Variants in PEBP4 observed in about 807,000 individuals in gnomAD.
PEBP4 encodes phosphatidylethanolamine-binding protein 4.
Under a neutral mutation model 23.9 loss-of-function variants are expected in PEBP4, and 22 were observed. That is an observed-to-expected ratio of 0.92 (90% CI 0.66 to 1.31). The LOEUF (loss-of-function observed/expected upper bound fraction) is 1.31. Ranked by LOEUF, PEBP4 falls within the 40% of genes most tolerant of loss-of-function variation. The probability of loss-of-function intolerance (pLI) is 0.00; values close to 1 mark genes in which losing one functional copy is unlikely to be tolerated. For synonymous variants in PEBP4, 112 were observed against 99.3 expected (o/e 1.13, Z -0.76); for missense variants, 324 against 281.7 (o/e 1.15, Z -1.07).
intron 3 of PEBP4, chr8:22,885,418 A>G (rs1350199368): frequency 2.6e-5 from 4 of 152,268 alleles, no homozygotes; most frequent in African/African-American, 9.7e-5. Flanking sequence ...TGCCTCCACG[A>G]CCAAGTACAA....
chr8:22,767,459 C>G (rs1279696535), intron 4 of PEBP4, among the ~76,000 whole-genome samples: 1 of 152,204 alleles, frequency 6.6e-6, no homozygotes, highest in South Asian at 2.1e-4. Flanking sequence ...CGTGATTTCT[C>G]GAGCGGGAAA....
chr8:22,927,729 G>C lies in PEBP4; in HGVS notation c.-6-9C>G, dbSNP rs1809378880. The stretch of plus-strand genomic sequence containing the variant: ...GTCCAACCCATGGGCACCTGGAACA[G>C]AAAGAACTTTAGAGCGGCTGGATCC... On this transcript the variant is annotated splice_polypyrimidine_tract_variant and intron_variant, in intron 1 of 6. Transcript: ENST00000256404. The C allele has an allele frequency of 1.2e-6, 2 of 1,613,382 alleles. No homozygotes were observed. Among genetic ancestry groups the C allele is most frequent in the Non-Finnish European group, 8.5e-7 (1 of 1,179,642 alleles).
At chr8:22,848,291 G>A (rs879276536) in intron 3 of PEBP4, among the ~76,000 whole-genome samples, 1 of 152,182 alleles carries the variant, frequency 6.6e-6, no homozygotes, top group Non-Finnish European at 1.5e-5. Context: ...CATTATCCAA[G>A]GGAGTGCAGC....
At chr8:22,902,774 T>G (rs1383602219) in intron 3 of PEBP4, among the ~76,000 whole-genome samples, 1 of 152,178 alleles carries the variant, frequency 6.6e-6, no homozygotes, top group Non-Finnish European at 1.5e-5. Flanking sequence ...AGGGTTCTGC[T>G]ACAAAAAAGA....
At chr8:22,898,417 A>ACAAAAC (rs1808639039) in intron 3 of PEBP4, among the ~76,000 whole-genome samples, 1 of 132,340 alleles carries the variant, frequency 7.6e-6, no homozygotes, top group Non-Finnish European at 1.7e-5. Flanking sequence ...AAAAAAAAAA[A>ACAAAAC]AAAAAAAAAA....
At chr8:22,741,869 C>T (rs1419468328) in intron 4 of PEBP4, among the ~76,000 whole-genome samples, 2 of 152,186 alleles carry the variant, frequency 1.3e-5, no homozygotes, top group Non-Finnish European at 2.9e-5. Context: ...ACAACCATGA[C>T]AAGGGCCCAG....
chr8:22,791,935 C>T (rs536962561), intron 4 of PEBP4, among the ~76,000 whole-genome samples: 1 of 151,954 alleles, frequency 6.6e-6, no homozygotes, highest in Non-Finnish European at 1.5e-5. Flanking sequence ...TGGCTCACTG[C>T]AGCCTTGAAC....
rs140104077 is a variant in PEBP4, at chr8:22,742,990, G to C, written c.358-15770C>G. On this transcript the variant is annotated intron_variant, in intron 4 of 6. Coordinates refer to ENST00000256404, the MANE Select transcript of PEBP4 (RefSeq NM_144962.3). ...GGGGGAACAGGGAGGGCTTTCTGGA[G>C]GAGGCTGCATAGACTCTCTGCCAGC... 8.8e-3 allele frequency among the ~76,000 whole-genome samples: 1,336 copies of C among 152,226 alleles called. 17 individuals are homozygous for C. The highest frequency in any genetic ancestry group is 0.013 in the Non-Finnish European group (888 of 68,004).
At chr8:22,875,227 A>G (rs993449884) in intron 3 of PEBP4, among the ~76,000 whole-genome samples, 1 of 151,346 alleles carries the variant, frequency 6.6e-6, no homozygotes, top group Non-Finnish European at 1.5e-5. Flanking sequence ...AAGGGAACTC[A>G]CTCCTTCCTC....
At chr8:22,893,560 A>G (rs1472720914) in intron 3 of PEBP4, among the ~76,000 whole-genome samples, 1 of 152,254 alleles carries the variant, frequency 6.6e-6, no homozygotes, top group East Asian at 1.9e-4. Context: ...GTGTTCAAGA[A>G]GGTAGGGGAA....
chr8:22,876,931 C>T (rs1011650960), intron 3 of PEBP4, among the ~76,000 whole-genome samples: 5 of 152,202 alleles, frequency 3.3e-5, no homozygotes, highest in African/African-American at 1.2e-4. Flanking sequence ...GGACCCTTAT[C>T]TTTAAAATGA....
intron 6 of PEBP4, among the ~76,000 whole-genome samples, chr8:22,723,065 G>A (rs977779581): frequency 1.1e-4 from 17 of 152,096 alleles, no homozygotes; most frequent in African/African-American, 3.9e-4. Context: ...ATAGGTGTGA[G>A]CCACCGCGCC....
chr8:22,901,528 T>A (rs1034269200), intron 3 of PEBP4, among the ~76,000 whole-genome samples: 1 of 150,690 alleles, frequency 6.6e-6, no homozygotes, highest in African/African-American at 2.4e-5. Flanking sequence ...AAGTCATCTT[T>A]AATACTGCCC....
At chr8:22,721,074 C>G (rs7829416) in intron 6 of PEBP4, among the ~76,000 whole-genome samples, 55,397 of 151,856 alleles carry the variant, frequency 0.36, 10,812 homozygotes, top group African/African-American at 0.5. Flanking sequence ...AGCCCCTCCA[C>G]GACCCTTGCT....
intron 4 of PEBP4, among the ~76,000 whole-genome samples, chr8:22,805,510 GA>G (rs1806476984): frequency 6.6e-6 from 1 of 152,150 alleles, no homozygotes; most frequent in Non-Finnish European, 1.5e-5. Flanking sequence ...ATTTTTAATA[GA>G]GACAGAGTTT....
chr8:22,780,650 C>T (rs1215989989), intron 4 of PEBP4, among the ~76,000 whole-genome samples: 4 of 152,184 alleles, frequency 2.6e-5, no homozygotes, highest in Admixed American at 6.5e-5. Context: ...AAGGCATTGA[C>T]TCCCCTGCCA....
intron 4 of PEBP4, among the ~76,000 whole-genome samples, chr8:22,737,290 G>A (rs1274296260): frequency 1.3e-4 from 14 of 108,416 alleles, no homozygotes; most frequent in East Asian, 1.0e-3. Context: ...TTGAGACTCC[G>A]TCTCAAAAAA....
At chr8:22,808,867 G>A (rs1806556365) in intron 4 of PEBP4, among the ~76,000 whole-genome samples, 1 of 152,094 alleles carries the variant, frequency 6.6e-6, no homozygotes. Flanking sequence ...TTTATTTATT[G>A]TATTTTATTA....
At chr8:22,761,255 T>A (rs1481694411) in intron 4 of PEBP4, among the ~76,000 whole-genome samples, 1 of 152,040 alleles carries the variant, frequency 6.6e-6, no homozygotes, top group Non-Finnish European at 1.5e-5. Context: ...TGTGTGTTTG[T>A]GTGTGTGTGA....
Sources: gnomAD v4.1 joint callset for allele counts (sites outside exome capture counted in the v4.1 genomes callset) on GRCh38, gnomAD v4.1.1 for gene constraint, MANE v1.5 for transcripts, NCBI Gene and HGNC (gene_info 2026-07-23, HGNC 2026-07-21) for gene names.